The following PTPRA variants were observed in gnomAD, a reference collection of about 807,000 sequenced individuals.
The protein encoded by PTPRA is receptor-type tyrosine-protein phosphatase alpha.
In PTPRA, 25 loss-of-function variants were observed where a neutral mutation model predicts 104.8. That is an observed-to-expected ratio of 0.24 (90% CI 0.17 to 0.33). The LOEUF is 0.33. PTPRA is among the 10% of genes least tolerant of loss of function. The pLI is 1.00. For missense variants in PTPRA, 765 were observed against 1,015.3 expected (o/e 0.75, Z 3.35); for synonymous variants, 323 against 368.9 (o/e 0.88, Z 1.43).
intron 2 of PTPRA, among the ~76,000 whole-genome samples, chr20:2,943,237 G>T (rs776466682): frequency 8.0e-5 from 11 of 136,874 alleles, no homozygotes; most frequent in Admixed American, 3.4e-4. Context: ...TAAGGGGGTA[G>T]TACTGAAATT....
intron 11 of PTPRA, among the ~76,000 whole-genome samples, chr20:3,015,130 C>CT (rs2064372214): frequency 3.9e-5 from 6 of 152,116 alleles, no homozygotes; most frequent in Admixed American, 3.9e-4. Context: ...AACCTGTTTT[C>CT]TTTCCCAGAG....
chr20:3,018,380 A>G (rs2064582830), intron 13 of PTPRA, among the ~76,000 whole-genome samples: 1 of 151,838 alleles, frequency 6.6e-6, no homozygotes, highest in Admixed American at 6.6e-5. Context: ...GGCCTTCTGC[A>G]GTGTTTGTGT....
chr20:3,019,442 C>T (rs2064718785), intron 13 of PTPRA, among the ~76,000 whole-genome samples: 1 of 150,838 alleles, frequency 6.6e-6, no homozygotes, highest in Non-Finnish European at 1.5e-5. Flanking sequence ...TCAGACGGGG[C>T]GGCCAGGCAG....
intron 16 of PTPRA, among the ~76,000 whole-genome samples, chr20:3,024,196 C>T (rs575893128): frequency 2.0e-5 from 3 of 152,250 alleles, no homozygotes; most frequent in African/African-American, 7.2e-5. Context: ...TAAATCTGCA[C>T]TCTCAGAATG....
chr20:2,992,350 C>T (rs1014955667), intron 9 of PTPRA, among the ~76,000 whole-genome samples: 4 of 152,088 alleles, frequency 2.6e-5, no homozygotes, highest in African/African-American at 9.7e-5. Flanking sequence ...AACCCCGTCT[C>T]TACTAAAAAT....
chr20:3,027,116 T>C lies in PTPRA; in HGVS notation c.1709-5T>C, dbSNP rs752503809. The C allele has an allele frequency of 5.6e-6, 9 of 1,613,518 alleles. No individual in the cohort carries two copies. ...GCTAGCCATAAGCCGCTATTCTTCT[T>C]ACAGATGAATTCAACAGAGTGATCA... On this transcript the variant is annotated splice_region_variant and splice_polypyrimidine_tract_variant and intron_variant, in intron 18 of 23. Transcript: ENST00000399903.
chr20:2,994,737 T>G (rs550140296), intron 9 of PTPRA, among the ~76,000 whole-genome samples: 1 of 152,348 alleles, frequency 6.6e-6, no homozygotes, highest in East Asian at 1.9e-4. Context: ...AGTCCAGGTT[T>G]CCACTGGCGA....
intron 9 of PTPRA, among the ~76,000 whole-genome samples, chr20:2,993,245 G>A (rs908299228): frequency 2.0e-5 from 3 of 152,172 alleles, no homozygotes; most frequent in Admixed American, 1.3e-4. Flanking sequence ...GGGTGGTGGG[G>A]CAAGGGGCAA....
intron 1 of PTPRA, among the ~76,000 whole-genome samples, chr20:2,901,868 G>T (rs1438131349): frequency 6.6e-6 from 1 of 151,622 alleles, no homozygotes; most frequent in Non-Finnish European, 1.5e-5. Context: ...TCTTGTTGGT[G>T]TAGCTTTTAT....
intron 9 of PTPRA, among the ~76,000 whole-genome samples, chr20:2,999,028 G>A (rs2063521535): frequency 6.6e-6 from 1 of 151,452 alleles, no homozygotes; most frequent in Admixed American, 6.6e-5. Flanking sequence ...TATGGAATTA[G>A]CAAGGTTGCT....
At chr20:2,958,681 A>AAG (rs1172332485) in intron 3 of PTPRA, among the ~76,000 whole-genome samples, 1 of 141,444 alleles carries the variant, frequency 7.1e-6, no homozygotes, top group East Asian at 2.0e-4. Context: ...AAAAAAAAAA[A>AAG]AAAAGAAATA....
chr20:2,938,846 C>G (rs1250443092), intron 2 of PTPRA, among the ~76,000 whole-genome samples: 1 of 152,118 alleles, frequency 6.6e-6, no homozygotes, highest in South Asian at 2.1e-4. Context: ...GTTTTAAATT[C>G]TTTTCAAATA....
chr20:3,016,098 T>C (rs947962856), intron 12 of PTPRA, among the ~76,000 whole-genome samples: 1 of 152,214 alleles, frequency 6.6e-6, no homozygotes, highest in Non-Finnish European at 1.5e-5. Flanking sequence ...AAAGAAGTCT[T>C]TTTGTGTATG....
At chr20:2,926,963 G>A (rs1414822775) in intron 2 of PTPRA, among the ~76,000 whole-genome samples, 1 of 151,444 alleles carries the variant, frequency 6.6e-6, no homozygotes, top group African/African-American at 2.4e-5. Context: ...GCTAATTTTT[G>A]TATTTTTAGT....
At chr20:3,008,732 AAAAAAAAAAAAAC>A (rs1450735485) in intron 11 of PTPRA, among the ~76,000 whole-genome samples, 2 of 119,556 alleles carry the variant, frequency 1.7e-5, no homozygotes, top group African/African-American at 4.4e-5. Context: ...CTCTACTAAA[AAAAAAAAAAAAAC>A]AAAAAAAAAA....
intron 11 of PTPRA, among the ~76,000 whole-genome samples, chr20:3,008,728 T>TAA (rs763235190): frequency 0.011 from 706 of 63,102 alleles, 13 homozygotes; most frequent in East Asian, 0.019. Context: ...TCATCTCTAC[T>TAA]AAAAAAAAAA....
chr20:3,028,570 G>C (rs2148476337), intron 20 of PTPRA, among the ~76,000 whole-genome samples: 1 of 152,216 alleles, frequency 6.6e-6, no homozygotes. Context: ...CCACATTATG[G>C]GGGGACCCAG....
At chr20:2,872,734 A>G (rs1600028042), upstream of PTPRA, among the ~76,000 whole-genome samples, 1 of 152,078 alleles carries the variant, frequency 6.6e-6, no homozygotes, top group East Asian at 1.9e-4. This position sits in a 1 kb window ranked among gnomAD's most constrained non-coding sequence, Gnocchi z 7.9. Context: ...GAGCGCCGGG[A>G]AGGGGGTACG....
chr20:2,865,312 C>T, the PTPRA span: 2 of 1,614,064 alleles, frequency 1.2e-6, no homozygotes, highest in African/African-American at 2.7e-5. The surrounding 1 kb of genome is among the most constrained non-coding windows in gnomAD (Gnocchi z 5.2). Flanking sequence ...GCATCCCTGA[C>T]AAGAGGTAGG....
Sources: allele counts gnomAD v4.1 joint callset (sites outside exome capture counted in the v4.1 genomes callset), GRCh38; gene constraint gnomAD v4.1.1; non-coding constraint Gnocchi (gnomAD v3.1); transcripts MANE v1.5; gene names NCBI Gene and HGNC (gene_info 2026-07-23, HGNC 2026-07-21).